KDM8: variants seen among roughly 807,000 people sequenced by gnomAD.
KDM8 encodes bifunctional peptidase and arginyl-hydroxylase JMJD5.
KDM8 carries 35 observed loss-of-function variants against 46.9 expected under a neutral mutation model. The ratio of observed to expected loss-of-function variants is 0.75; its 90% CI spans 0.57 to 0.99. KDM8 has a LOEUF of 0.99. KDM8 is among the 50% of genes least tolerant of loss of function. The pLI is 0.00. For missense variants in KDM8, 475 were observed against 537.0 expected (o/e 0.88, Z 1.14); for synonymous variants, 232 against 227.7 (o/e 1.02, Z -0.17).
At chr16:27,215,354 C>T (rs372727291) in intron 4 of KDM8, among the ~76,000 whole-genome samples, 2 of 152,060 alleles carry the variant, frequency 1.3e-5, no homozygotes, top group Non-Finnish European at 1.5e-5. Context: ...CTGAGGCAGG[C>T]GGATCACTTG....
At position 27,219,080 on chromosome 16, in the gene KDM8, T is replaced by G; in HGVS notation, c.963T>G (p.His321Gln). The part of the protein sequence containing the change: ...FGPQGTISPL[H>Q]QDPQQNFLVQ... ...CCCAGGGAACCATCTCCCCACTACA[T>G]CAGGATCCCCAGCAAAACTTCCTAG... Residue 321 changes from histidine (H) to glutamine (Q), a missense_variant, in exon 6 of 8, where the codon CAT (histidine) becomes CAG (glutamine). Coordinates refer to ENST00000286096, the MANE Select transcript of KDM8 (RefSeq NM_024773.3). 6.2e-7 allele frequency: 1 copy of G among 1,612,842 alleles called. No homozygotes were observed. The highest frequency in any genetic ancestry group is 2.2e-5 in the East Asian group (1 of 44,784).
chr16:27,216,891 TG>T (rs922611992), intron 5 of KDM8, among the ~76,000 whole-genome samples: 2 of 152,124 alleles, frequency 1.3e-5, no homozygotes, highest in Non-Finnish European at 2.9e-5. Context: ...GGCCTCAGTG[TG>T]GGCTGGGGAC....
intron 1 of KDM8, among the ~76,000 whole-genome samples, chr16:27,207,110 T>G (rs539222769): frequency 6.6e-6 from 1 of 152,314 alleles, no homozygotes; most frequent in South Asian, 2.1e-4. Context: ...GGCCAGTTTT[T>G]AAAACAAGTT....
chr16:27,219,858 A>ACAAG (rs2083598093), intron 6 of KDM8, among the ~76,000 whole-genome samples: 1 of 152,230 alleles, frequency 6.6e-6, no homozygotes, highest in South Asian at 2.1e-4. Context: ...CCTGGCACAG[A>ACAAG]CAAGCGCCTA....
chr16:27,221,263 A>C lies in KDM8; in HGVS notation c.*533A>C. 5 of 237,920 alleles carry C rather than the reference A, an allele frequency of 2.1e-5. No homozygotes were observed. Among genetic ancestry groups the C allele is most frequent in the South Asian group, 5.5e-5 (1 of 18,238 alleles). 14.7% of individuals were successfully genotyped at this position (237,920 alleles called of 1,614,324 possible). ...TTAGCCGCTGTCACTGATCCCAATTACTCTGATCCTTTTGCCCTTCCTTCC... is the reference window on the plus strand; with the variant it reads ...TTAGCCGCTGTCACTGATCCCAATTCCTCTGATCCTTTTGCCCTTCCTTCC... On this transcript the variant is annotated 3_prime_UTR_variant, in exon 8 of 8. Coordinates refer to ENST00000286096, the MANE Select transcript of KDM8 (RefSeq NM_024773.3).
intron 2 of KDM8, 77 bp from the exon 3 acceptor site, chr16:27,213,507 CA>C: frequency 6.7e-7 from 1 of 1,496,094 alleles, no homozygotes; most frequent in Non-Finnish European, 9.2e-7. Context: ...CTACCCCTGA[CA>C]CAGGTTCCTG....
chr16:27,209,216 G>T (rs907819944), intron 1 of KDM8, among the ~76,000 whole-genome samples: 13 of 152,192 alleles, frequency 8.5e-5, no homozygotes, highest in Non-Finnish European at 1.8e-4. Flanking sequence ...AGGCCTTGGG[G>T]CAAGTCACTT....
intron 1 of KDM8, among the ~76,000 whole-genome samples, chr16:27,207,936 G>A (rs974954728): frequency 1.3e-5 from 2 of 152,140 alleles, no homozygotes; most frequent in East Asian, 1.9e-4. Context: ...TTATACAGAG[G>A]CAATCTGAAA....
chr16:27,204,775 A>C (rs1294433751), intron 1 of KDM8, among the ~76,000 whole-genome samples: 1 of 152,244 alleles, frequency 6.6e-6, no homozygotes, highest in Non-Finnish European at 1.5e-5. Context: ...CTGTAATCCC[A>C]GCCCTTTGGG....
intron 1 of KDM8, chr16:27,206,285 T>C (rs1290563565): frequency 4.8e-6 from 4 of 839,770 alleles, no homozygotes; most frequent in Admixed American, 6.2e-5. Flanking sequence ...TTTTTTTTTT[T>C]CGGGAGGGAC....
intron 1 of KDM8, among the ~76,000 whole-genome samples, chr16:27,209,853 T>C (rs938715684): frequency 6.6e-6 from 1 of 152,138 alleles, no homozygotes; most frequent in African/African-American, 2.4e-5. Context: ...ATGAGGACAA[T>C]ACACGTTCCT....
chr16:27,216,062 C>T (rs754789152), intron 5 of KDM8, 73 bp downstream of exon 5: 12 of 1,522,712 alleles, frequency 7.9e-6, no homozygotes, highest in African/African-American at 6.8e-5. Flanking sequence ...GGGCTCAGTG[C>T]GGCTGGAGCA....
chr16:27,203,839 G>C (rs4077359), intron 1 of KDM8: 13,195 of 430,600 alleles, frequency 0.031, 1,535 homozygotes, highest in African/African-American at 0.25. Flanking sequence ...CCTGCCCTGC[G>C]GGAGGATAAA....
At chr16:27,212,593 G>T (rs569919990) in intron 2 of KDM8, among the ~76,000 whole-genome samples, 2 of 152,304 alleles carry the variant, frequency 1.3e-5, no homozygotes, top group South Asian at 2.1e-4. Flanking sequence ...AATTTGCTGG[G>T]CGTCCTGGCA....
chr16:27,205,137 G>T (rs1370507175), intron 1 of KDM8, among the ~76,000 whole-genome samples: 1 of 152,238 alleles, frequency 6.6e-6, no homozygotes, highest in Non-Finnish European at 1.5e-5. Flanking sequence ...TTTGCATAGT[G>T]AATTCTGCCT....
At chr16:27,215,521 C>T (rs2083540803) in intron 4 of KDM8, among the ~76,000 whole-genome samples, 2 of 152,152 alleles carry the variant, frequency 1.3e-5, no homozygotes, top group South Asian at 4.1e-4. Flanking sequence ...GCAGAGGTTG[C>T]AGTGAGCCAA....
chr16:27,211,372 G>C (rs1384854742), intron 2 of KDM8: 1 of 359,960 alleles, frequency 2.8e-6, no homozygotes, highest in Non-Finnish European at 5.4e-6. Context: ...GTCTGTTTTG[G>C]GGTCAATCTC....
intron 3 of KDM8, 98 bp from the exon 4 acceptor site, chr16:27,214,778 G>T (rs1408666889): frequency 3.5e-6 from 5 of 1,414,024 alleles, no homozygotes; most frequent in Non-Finnish European, 4.9e-6. Flanking sequence ...TGCACGTGAG[G>T]TTTTCCGAGG....
At chr16:27,212,854 G>A (rs1385397712) in intron 2 of KDM8, among the ~76,000 whole-genome samples, 1 of 152,202 alleles carries the variant, frequency 6.6e-6, no homozygotes, top group African/African-American at 2.4e-5. Context: ...ACCACGCCGA[G>A]CTTTTTAAAT....
Sources: allele counts gnomAD v4.1 joint callset (sites outside exome capture counted in the v4.1 genomes callset), GRCh38; gene constraint gnomAD v4.1.1; transcripts MANE v1.5; gene names NCBI Gene and HGNC (gene_info 2026-07-23, HGNC 2026-07-21).